Variants in AKAP9 observed in about 807,000 individuals in gnomAD.
The protein encoded by AKAP9 is A-kinase anchoring protein 9.
In AKAP9, 311 loss-of-function variants were observed where a neutral mutation model predicts 488.5. That is an observed-to-expected ratio of 0.64 (90% CI 0.58 to 0.70). AKAP9 has a LOEUF of 0.70. AKAP9 is among the 30% of genes least tolerant of loss of function. AKAP9 has a pLI of 0.00. For missense variants in AKAP9, 4,215 were observed against 4,374.5 expected (o/e 0.96, Z 1.03); for synonymous variants, 1,462 against 1,483.5 (o/e 0.99, Z 0.33).
At chr7:92,030,057 C>A in intron 15 of AKAP9, 66 bp downstream of exon 15, 1 of 1,101,312 alleles carries the variant, frequency 9.1e-7, no homozygotes, top group Non-Finnish European at 1.4e-6. Context: ...ATTTTTATGT[C>A]TGGTTTACTA....
At chr7:92,033,442 C>CTTTTTTTTTTTTTTTTTTTTTTT (rs35497475) in intron 16 of AKAP9, among the ~76,000 whole-genome samples, 6 of 107,374 alleles carry the variant, frequency 5.6e-5, no homozygotes, top group Admixed American at 1.0e-4. Flanking sequence ...CTTTTCTTTT[C>CTTTTTTTTTTTTTTTTTTTTTTT]TTTTTTTTTT....
chr7:92,082,884 A>T (rs547435505), intron 32 of AKAP9, among the ~76,000 whole-genome samples: 268 of 152,236 alleles, frequency 1.8e-3, no homozygotes, highest in Middle Eastern at 3.4e-3. Context: ...TTTTATTTCC[A>T]TTCTGTTAAT....
chr7:92,075,104 AAC>A (rs1452028999), intron 28 of AKAP9, among the ~76,000 whole-genome samples: 5 of 152,134 alleles, frequency 3.3e-5, no homozygotes, highest in Non-Finnish European at 7.4e-5. Context: ...AAAAAAATAA[AAC>A]ACAAGTGTGG....
chr7:91,995,698 G>A lies in AKAP9; in HGVS notation c.828G>A (p.Gln276=). Residue 276 remains glutamine, a synonymous_variant, in exon 7 of 50, where the codon CAG becomes CAA. Transcript: ENST00000356239. ...AKQQILTHQQ[Q]LEEQDHLLED... is the part of the protein sequence containing the mutation. ...AACAGATCCTCACTCATCAACAGCAGCTTGAAGAACAAGACCACTTATTAG... is the reference window on the plus strand; with the variant it reads ...AACAGATCCTCACTCATCAACAGCAACTTGAAGAACAAGACCACTTATTAG... The A allele has an allele frequency of 6.2e-7, 1 of 1,613,928 alleles. No individual in the cohort carries two copies. Among genetic ancestry groups the A allele is most frequent in the Non-Finnish European group, 8.5e-7 (1 of 1,179,852 alleles).
chr7:92,059,633 A>G (rs1040424352), intron 22 of AKAP9, among the ~76,000 whole-genome samples: 1 of 151,902 alleles, frequency 6.6e-6, no homozygotes, highest in African/African-American at 2.4e-5. Context: ...AATTTAAAAA[A>G]GACAAAAAAA....
chr7:92,098,978 G>A (rs1311920361), intron 43 of AKAP9, among the ~76,000 whole-genome samples: 1 of 152,128 alleles, frequency 6.6e-6, no homozygotes. Flanking sequence ...CTGGGGAAAT[G>A]TACCCCATAG....
chr7:92,039,048 T>C (rs148270125), intron 17 of AKAP9, among the ~76,000 whole-genome samples: 20 of 152,186 alleles, frequency 1.3e-4, no homozygotes, highest in African/African-American at 4.3e-4. Flanking sequence ...TGGGACTCCA[T>C]GCGCGTGCCA....
chr7:92,043,403 A>C, intron 20 of AKAP9: 1 of 832,482 alleles, frequency 1.2e-6, no homozygotes, highest in East Asian at 1.2e-4. Flanking sequence ...TTACCACGGC[A>C]ATATAAAATA....
At chr7:92,016,976 C>A in intron 11 of AKAP9, 41 bp from the exon 12 acceptor site, 1 of 1,379,248 alleles carries the variant, frequency 7.3e-7, no homozygotes, top group Non-Finnish European at 1.0e-6. Context: ...CAGACTTTTA[C>A]TGTGAAGTGA....
intron 24 of AKAP9, 54 bp downstream of exon 24, chr7:92,062,540 T>G: frequency 6.6e-7 from 1 of 1,518,136 alleles, no homozygotes; most frequent in South Asian, 1.1e-5. Context: ...TTTGTATTCT[T>G]CAAAGGCTTA....
intron 1 of AKAP9, among the ~76,000 whole-genome samples, chr7:91,959,046 G>A (rs7798973): frequency 0.4 from 60,544 of 151,438 alleles, 12,388 homozygotes; most frequent in African/African-American, 0.46. Context: ...CACCACGCCC[G>A]GCAAATTTTT....
At chr7:92,061,498 G>A (rs1584373938) in intron 23 of AKAP9, 76 bp downstream of exon 23, 1 of 1,535,494 alleles carries the variant, frequency 6.5e-7, no homozygotes, top group East Asian at 2.4e-5. Flanking sequence ...GCACAGCCAG[G>A]TTTGGAAGCC....
At chr7:92,086,692 A>G (rs1442364391) in intron 37 of AKAP9, among the ~76,000 whole-genome samples, 1 of 152,226 alleles carries the variant, frequency 6.6e-6, no homozygotes, top group Non-Finnish European at 1.5e-5. Context: ...TGCACTGGTT[A>G]TGTTCCATAA....
chr7:91,961,303 C>T (rs1468483641), intron 1 of AKAP9, among the ~76,000 whole-genome samples: 3 of 151,642 alleles, frequency 2.0e-5, no homozygotes. Flanking sequence ...GCTGTAATCC[C>T]GAGTAGCTGG....
intron 3 of AKAP9, among the ~76,000 whole-genome samples, chr7:91,981,244 T>G (rs1796369146): frequency 6.6e-6 from 1 of 152,214 alleles, no homozygotes. Flanking sequence ...ACATTAAATT[T>G]GGGGCGCATA....
At chr7:92,105,565 G>C in intron 46 of AKAP9, 113 bp from the exon 47 acceptor site, 1 of 824,078 alleles carries the variant, frequency 1.2e-6, no homozygotes, top group Admixed American at 1.9e-5. Flanking sequence ...GGGCAATTGT[G>C]AAATTTGACA....
rs572287482 is a variant in AKAP9 at position 91,979,245 on chromosome 7, C to T, written c.307-1044C>T. 5.3e-5 allele frequency among the ~76,000 whole-genome samples: 8 copies of T among 152,180 alleles called. No homozygotes were observed. The South Asian group carries it at 6.2e-4, about 12-fold the overall frequency. On this transcript the variant is annotated intron_variant, in intron 2 of 49. Coordinates refer to ENST00000356239, the MANE Select transcript of AKAP9 (RefSeq NM_005751.5). ...AAAGAGGTTTAATGGACTCACAGTTCCACGTGGCTGGTGAGGCCTCACAAT... is the reference window on the plus strand; with the variant it reads ...AAAGAGGTTTAATGGACTCACAGTTTCACGTGGCTGGTGAGGCCTCACAAT...
chr7:92,003,312 A>C, intron 8 of AKAP9, 77 bp downstream of exon 8: 1 of 1,121,212 alleles, frequency 8.9e-7, no homozygotes, highest in Non-Finnish European at 1.3e-6. Context: ...ACCTTCATAG[A>C]ACATAAGTTC....
chr7:92,052,836 A>G lies in AKAP9; in HGVS notation c.5479A>G (p.Arg1827Gly). ...AACAGAGCTGTCACAACGACTTGTG[A>G]GGAGTGGTTTTGCTGGAACTGAAAT... The part of the protein sequence containing the change: ...EGTELSQRLV[R>G]SGFAGTEIDP... The change falls in exon 22 of 50, where the codon AGG becomes GGG. Residue 1827 changes from arginine to glycine, a missense_variant. Arg to Gly is a moderately radical substitution (Grantham distance 125, BLOSUM62 -2). This residue lies in a region of AKAP9 where 2,361 missense variants were observed against 2,430.0 expected (regional missense o/e 0.97). Coordinates refer to ENST00000356239, the MANE Select transcript of AKAP9 (RefSeq NM_005751.5). 1 of 1,613,858 alleles carries G rather than the reference A, an allele frequency of 6.2e-7. No individual in the cohort carries two copies. The highest frequency in any genetic ancestry group is 8.5e-7 in the Non-Finnish European group (1 of 1,179,862).
Sources: gnomAD v4.1 joint callset for allele counts (sites outside exome capture counted in the v4.1 genomes callset) on GRCh38, gnomAD v4.1.1 for gene constraint, gnomAD v4.1.1 regional missense constraint, MANE v1.5 for transcripts, NCBI Gene and HGNC (gene_info 2026-07-23, HGNC 2026-07-21) for gene names.